The following ST3GAL6 variants were observed in gnomAD, a reference collection of about 807,000 sequenced individuals.
ST3GAL6 encodes the protein ST3 beta-galactoside alpha-2,3-sialyltransferase 6, also known as type 2 lactosamine alpha-2,3-sialyltransferase.
A neutral mutation model predicts 40.5 loss-of-function variants in ST3GAL6; 31 were observed. The observed-to-expected ratio is 0.77, with a 90% confidence interval of 0.58 to 1.03. The LOEUF is 1.03. Ranked by LOEUF, ST3GAL6 falls within the 50% of genes least tolerant of loss-of-function variation. ST3GAL6 has a pLI of 0.00. For synonymous variants in ST3GAL6, 129 were observed against 136.9 expected, an observed-to-expected ratio of 0.94 and a Z score of 0.40; for missense variants, 357 against 393.2, an observed-to-expected ratio of 0.91 and a Z score of 0.78.
At chr3:98,743,278 C>G (rs994896249) in intron 1 of ST3GAL6, among the ~76,000 whole-genome samples, 1 of 151,984 alleles carries the variant, frequency 6.6e-6, no homozygotes, top group Non-Finnish European at 1.5e-5. Context: ...ACCTTGGCCT[C>G]GCAAAGTGCT....
At chr3:98,756,958 A>G (rs1937465486) in intron 1 of ST3GAL6, among the ~76,000 whole-genome samples, 1 of 152,240 alleles carries the variant, frequency 6.6e-6, no homozygotes, top group Non-Finnish European at 1.5e-5. Context: ...TGTTTTCTCA[A>G]TAGAATTAAT....
intron 1 of ST3GAL6, among the ~76,000 whole-genome samples, chr3:98,734,128 G>C (rs370958663): frequency 1.3e-5 from 2 of 152,142 alleles, no homozygotes; most frequent in African/African-American, 4.8e-5. Context: ...CCGAATGTTT[G>C]ACTTTCCGGT....
At chr3:98,743,506 C>T (rs1936294063) in intron 1 of ST3GAL6, among the ~76,000 whole-genome samples, 1 of 152,168 alleles carries the variant, frequency 6.6e-6, no homozygotes, top group Non-Finnish European at 1.5e-5. Context: ...GCTGGGCTTC[C>T]AAGACCCCTA....
intron 1 of ST3GAL6, among the ~76,000 whole-genome samples, chr3:98,755,427 T>C (rs1361994295): frequency 6.6e-6 from 1 of 152,204 alleles, no homozygotes; most frequent in East Asian, 1.9e-4. Flanking sequence ...ATAAGAGTTA[T>C]TTCAACAAGC....
chr3:98,776,999 T>G (rs925804440), intron 5 of ST3GAL6, among the ~76,000 whole-genome samples: 1 of 152,210 alleles, frequency 6.6e-6, no homozygotes. Context: ...CAGGTAAACT[T>G]GCCAGGGCTG....
At chr3:98,737,374 T>G (rs1440862143) in intron 1 of ST3GAL6, among the ~76,000 whole-genome samples, 1 of 152,054 alleles carries the variant, frequency 6.6e-6, no homozygotes, top group East Asian at 1.9e-4. Flanking sequence ...CTGTCTCTCT[T>G]TCTCTCTCTC....
At chr3:98,791,818 G>T in intron 8 of ST3GAL6, 23 bp from the exon 9 acceptor site, 1 of 1,591,440 alleles carries the variant, frequency 6.3e-7, no homozygotes, top group Non-Finnish European at 8.6e-7. Flanking sequence ...GCTTAAAAAA[G>T]TTTTTTTCAT....
rs2107388152 is a variant in ST3GAL6, at chr3:98,794,123, G to A, written c.*362G>A. ...TTCTGACTACAATAAGACATTTTGA[G>A]GAGGATATTTGGCTACTGTAAACAT... On this transcript the variant is annotated 3_prime_UTR_variant, in exon 10 of 10. Coordinates refer to ENST00000483910, the MANE Select transcript of ST3GAL6 (RefSeq NM_001323368.2). The A allele has an allele frequency of 6.4e-6, 1 of 155,602 alleles. No homozygotes were observed. The highest frequency in any genetic ancestry group is 1.9e-4 in the East Asian group (1 of 5,346). 9.6% of individuals were successfully genotyped at this position (155,602 alleles called of 1,614,324 possible).
At chr3:98,771,190 G>T (rs1402043400) in intron 3 of ST3GAL6, 1 of 1,444,098 alleles carries the variant, frequency 6.9e-7, no homozygotes, top group Admixed American at 2.1e-5. Flanking sequence ...TTTTCACACA[G>T]GTGAGGCTAG....
At chr3:98,761,295 T>G (rs1475124726), upstream of ST3GAL6, among the ~76,000 whole-genome samples, 1 of 151,546 alleles carries the variant, frequency 6.6e-6, no homozygotes, top group Non-Finnish European at 1.5e-5. Flanking sequence ...AGGAAAAAAA[T>G]GAATAAAGGC....
At chr3:98,782,691 CA>C in intron 5 of ST3GAL6, 1 of 443,212 alleles carries the variant, frequency 2.3e-6, no homozygotes. Context: ...GCTGGTATTT[CA>C]AAAACTGCTG....
At chr3:98,770,180 A>G (rs189035303) in intron 2 of ST3GAL6, among the ~76,000 whole-genome samples, 115 of 152,356 alleles carry the variant, frequency 7.5e-4, no homozygotes, top group South Asian at 1.4e-3. Context: ...ATGATCATTA[A>G]TAAGTTTTTG....
intron 2 of ST3GAL6, 38 bp downstream of exon 2, chr3:98,768,567 C>G (rs1243144149): frequency 2.1e-6 from 3 of 1,463,214 alleles, no homozygotes; most frequent in Non-Finnish European, 2.9e-6. Flanking sequence ...AACTCTCAAC[C>G]TAGTCTTTCA....
chr3:98,744,888 A>G (rs888413883), intron 1 of ST3GAL6, among the ~76,000 whole-genome samples: 1 of 152,196 alleles, frequency 6.6e-6, no homozygotes, highest in Non-Finnish European at 1.5e-5. Flanking sequence ...ATAAAATAGA[A>G]AAGCCCTCAG....
intron 5 of ST3GAL6, among the ~76,000 whole-genome samples, chr3:98,779,936 G>GAAA (rs1311767606): frequency 1.3e-5 from 2 of 152,194 alleles, no homozygotes; most frequent in African/African-American, 4.8e-5. Context: ...AGGATACAGA[G>GAAA]ATATAAATGA....
intron 5 of ST3GAL6, 81 bp from the exon 6 acceptor site, chr3:98,784,864 G>A: frequency 8.7e-7 from 1 of 1,150,246 alleles, no homozygotes; most frequent in South Asian, 1.3e-5. Context: ...TTGGCACTGG[G>A]TTTCTGACAG....
intron 1 of ST3GAL6, among the ~76,000 whole-genome samples, chr3:98,752,558 G>A (rs984196156): frequency 3.3e-5 from 5 of 151,800 alleles, no homozygotes; most frequent in African/African-American, 1.2e-4. Flanking sequence ...TGCAACCTCC[G>A]CCTCCTGGGT....
rs1051002417 is a variant in ST3GAL6, at chr3:98,732,811, T to C, written c.-12+279T>C. The C allele has an allele frequency of 4.1e-6, 6 of 1,474,830 alleles. No individual in the cohort carries two copies. In the African/African-American group the frequency reaches 7.3e-5, roughly 18 times the overall value. 91.4% of individuals were successfully genotyped at this position (1,474,830 alleles called of 1,614,324 possible). A position where few individuals can be genotyped will look rare whatever the true frequency, so the allele number is the denominator to read the frequency against. On this transcript the variant is annotated intron_variant, in intron 1 of 9. Coordinates refer to the ST3GAL6 transcript ENST00000265261. ...GAAGGAATCGTGCCCGCGCCGCCCC[T>C]GGCCCGCGCCACCTTCCTTTGGTTT...
chr3:98,744,744 C>A (rs1936407025), intron 1 of ST3GAL6, among the ~76,000 whole-genome samples: 1 of 145,964 alleles, frequency 6.9e-6, no homozygotes, highest in Non-Finnish European at 1.5e-5. Context: ...CCAAAAATAT[C>A]TTTGATAGGA....
Sources: gnomAD v4.1 joint callset for allele counts (sites outside exome capture counted in the v4.1 genomes callset) on GRCh38, gnomAD v4.1.1 for gene constraint, MANE v1.5 for transcripts, NCBI Gene and HGNC (gene_info 2026-07-23, HGNC 2026-07-21) for gene names.